The following NIBAN2 variants were observed in gnomAD, a reference collection of about 807,000 sequenced individuals.
NIBAN2 encodes the protein niban apoptosis regulator 2.
In NIBAN2, 36 loss-of-function variants were observed where a neutral mutation model predicts 81.8. The ratio of observed to expected loss-of-function variants is 0.44; its 90% CI spans 0.34 to 0.58. The LOEUF is 0.58. NIBAN2 is among the 20% of genes least tolerant of loss of function. NIBAN2 has a pLI of 0.02. For synonymous variants in NIBAN2, 445 were observed against 441.6 expected (o/e 1.01, Z -0.10); for missense variants, 897 against 1,014.1 (o/e 0.88, Z 1.57).
At chr9:127,541,156 A>G (rs1169901951) in intron 1 of NIBAN2, among the ~76,000 whole-genome samples, 6 of 152,166 alleles carry the variant, frequency 3.9e-5, no homozygotes, top group African/African-American at 1.4e-4. Context: ...TGTGCCTGAG[A>G]CAGCAGGGAG....
intron 1 of NIBAN2, among the ~76,000 whole-genome samples, chr9:127,535,401 G>A (rs1837256813): frequency 6.6e-6 from 1 of 152,236 alleles, no homozygotes; most frequent in South Asian, 2.1e-4. Context: ...ACTGAGCCAG[G>A]AGAAGGCCCA....
At position 127,508,592 on chromosome 9, in the gene NIBAN2, C is replaced by A. The variant is rs1027943811; in HGVS notation, c.1318-54G>T. ...CCCCCAGGGTGACCACAGCCCCTTC[C>A]TGGGTGCCGCTGAGGGGTCCTCATC... On this transcript the variant is annotated intron_variant, in intron 10 of 13. Coordinates refer to ENST00000373312, the MANE Select transcript of NIBAN2 (RefSeq NM_022833.4). The surrounding 1 kb of genome is among the most constrained non-coding windows in gnomAD (Gnocchi z 6.4). The A allele has an allele frequency of 1.4e-6, 2 of 1,445,918 alleles. No homozygotes were observed. Among genetic ancestry groups the A allele is most frequent in the African/African-American group, 1.4e-5 (1 of 71,814 alleles). The allele number at this position is 1,445,918 out of a possible 1,614,324, so 89.6% of individuals were successfully genotyped here.
At position 127,519,891 on chromosome 9, in the gene NIBAN2, G is replaced by A. The variant is rs117926402; in HGVS notation, c.590-1950C>T. The stretch of plus-strand genomic sequence containing the variant: ...AAACCAAGTTTTGACTGGAAAATCT[G>A]GACAGTGCGTTACCTGCAGGCACTC... On this transcript the variant is annotated intron_variant, in intron 5 of 13. Transcript: ENST00000373312. 2.1e-3 allele frequency among the ~76,000 whole-genome samples: 326 copies of A among 152,320 alleles called. 3 individuals are homozygous for A. The East Asian group carries it at 0.042, about 20-fold the overall frequency.
chr9:127,564,965 C>G (rs866794761), intron 1 of NIBAN2, among the ~76,000 whole-genome samples: 1 of 152,070 alleles, frequency 6.6e-6, no homozygotes, highest in African/African-American at 2.4e-5. Context: ...TAAGTGACTT[C>G]TTCTGGGAAG....
upstream of NIBAN2, chr9:127,569,160 C>G: frequency 1.2e-6 from 1 of 828,452 alleles, no homozygotes; most frequent in South Asian, 5.5e-5. Context: ...CCGCCCCCTC[C>G]CCGCCCGCTG....
At chr9:127,564,640 A>G (rs1725148773) in intron 1 of NIBAN2, among the ~76,000 whole-genome samples, 2 of 152,126 alleles carry the variant, frequency 1.3e-5, no homozygotes, top group Admixed American at 1.3e-4. Flanking sequence ...TGGGAGGTCG[A>G]GGTGGGTGGA....
intron 1 of NIBAN2, among the ~76,000 whole-genome samples, chr9:127,548,166 A>C (rs1479339338): frequency 6.6e-6 from 1 of 152,210 alleles, no homozygotes; most frequent in Non-Finnish European, 1.5e-5. Context: ...TCATGAGATT[A>C]AAAGGTGACA....
chr9:127,575,844 T>G (rs1838002836), intron 1 of NIBAN2, among the ~76,000 whole-genome samples: 1 of 152,130 alleles, frequency 6.6e-6, no homozygotes. Flanking sequence ...AAACATGGAT[T>G]TTTTTCCCGC....
chr9:127,512,778 G>A (rs947459302), intron 8 of NIBAN2, among the ~76,000 whole-genome samples: 32 of 152,172 alleles, frequency 2.1e-4, no homozygotes, highest in African/African-American at 7.2e-4. Context: ...CAGTGGGAAT[G>A]TAAATGAGTA....
intron 2 of NIBAN2, among the ~76,000 whole-genome samples, chr9:127,530,901 A>C (rs887465059): frequency 1.3e-5 from 2 of 152,168 alleles, no homozygotes; most frequent in Non-Finnish European, 2.9e-5. Flanking sequence ...GAAGGAGGCT[A>C]GGCATGGTGG....
Position 127,507,900 on chromosome 9 carries a change from C to G in NIBAN2, c.1621G>C (p.Val541Leu), listed in dbSNP as rs762901875. 1 of 1,614,198 alleles carries G rather than the reference C, an allele frequency of 6.2e-7. No homozygotes were observed. Among genetic ancestry groups the G allele is most frequent in the Non-Finnish European group, 8.5e-7 (1 of 1,180,040 alleles). ...ATGTCCTTCATGACGGTCTGCAGCA[C>G]CACCTCCTCGTACGTGTTTTCCACC... Reference protein sequence around the residue: ...ILVENTYEEVVLQTVMKDILQ... With the variant: ...ILVENTYEEVLLQTVMKDILQ... The change falls in exon 13 of 14, where the codon GTG (valine) becomes CTG (leucine). Residue 541 changes from valine to leucine, a missense_variant. By Grantham distance (32) the Val-to-Leu change is conservative. This residue lies in a region of NIBAN2 where 619 missense variants were observed against 691.0 expected (regional missense o/e 0.90). Coordinates refer to ENST00000373312, the MANE Select transcript of NIBAN2 (RefSeq NM_022833.4). The surrounding 1 kb of genome is among the most constrained non-coding windows in gnomAD (Gnocchi z 6.8).
chr9:127,515,523 A>C (rs1836811634), intron 8 of NIBAN2, among the ~76,000 whole-genome samples: 1 of 25,376 alleles, frequency 3.9e-5, no homozygotes, highest in Non-Finnish European at 1.1e-4. Context: ...TCCGTCTCAA[A>C]AAAAAAAAAA....
At chr9:127,578,869 CA>C in intron 1 of NIBAN2, 3 of 1,583,804 alleles carry the variant, frequency 1.9e-6, no homozygotes, top group East Asian at 2.3e-5. Context: ...AACAAACAAA[CA>C]AAAAAGAACC....
At position 127,516,208 on chromosome 9, in the gene NIBAN2, T is replaced by C. The variant is rs144238831; in HGVS notation, c.973+649A>G. ...GCTAAAACTGAGCTCTGCAGATGTG[T>C]TATGGGGACCAAGCTGGTGAAAGGA... On this transcript the variant is annotated intron_variant, in intron 8 of 13. Transcript: ENST00000373312. 2.5e-3 allele frequency among the ~76,000 whole-genome samples: 388 copies of C among 152,236 alleles called. 5 individuals carry two copies. Among genetic ancestry groups the C allele is most frequent in the Non-Finnish European group, 6.0e-4 (41 of 68,012 alleles).
chr9:127,515,045 C>G (rs1303692611), intron 8 of NIBAN2, among the ~76,000 whole-genome samples: 1 of 152,072 alleles, frequency 6.6e-6, no homozygotes, highest in South Asian at 2.1e-4. Flanking sequence ...TTTGCCCAGC[C>G]AAGACCCCTT....
At chr9:127,514,918 C>A (rs1214612817) in intron 8 of NIBAN2, among the ~76,000 whole-genome samples, 4 of 152,154 alleles carry the variant, frequency 2.6e-5, no homozygotes, top group Non-Finnish European at 5.9e-5. Context: ...AATCCCAGTG[C>A]TTTGGGAGGC....
rs148239209 is a variant in NIBAN2, at chr9:127,536,150, G to A, written c.56-4372C>T. On this transcript the variant is annotated intron_variant, in intron 1 of 13. Coordinates refer to ENST00000373312, the MANE Select transcript of NIBAN2 (RefSeq NM_022833.4). This position sits in a 1 kb window ranked among gnomAD's most constrained non-coding sequence, Gnocchi z 4.0. ...AGAGATGTCCTCAGCCAGCATGGAA[G>A]GAACCGCCACGTGCTTTGTACAGAG... Among the ~76,000 whole-genome samples, 1,274 of 152,310 alleles carry A rather than the reference G, an allele frequency of 8.4e-3. 18 individuals carry two copies. Among genetic ancestry groups the A allele is most frequent in the African/African-American group, 0.03 (1,233 of 41,550 alleles).
chr9:127,528,602 G>A (rs1837121190), intron 2 of NIBAN2, among the ~76,000 whole-genome samples: 1 of 152,054 alleles, frequency 6.6e-6, no homozygotes, highest in African/African-American at 2.4e-5. Context: ...CACTCCTGGA[G>A]AAGGAGAGCC....
intron 2 of NIBAN2, 136 bp downstream of exon 2, chr9:127,531,512 A>C (rs1837179725): frequency 1.4e-6 from 1 of 707,398 alleles, no homozygotes; most frequent in Non-Finnish European, 2.2e-6. Flanking sequence ...TAATTTTAAA[A>C]AAAGAAGCTG....
Sources: allele counts gnomAD v4.1 joint callset (sites outside exome capture counted in the v4.1 genomes callset), GRCh38; gene constraint gnomAD v4.1.1; regional missense constraint gnomAD v4.1.1; non-coding constraint Gnocchi (gnomAD v3.1); transcripts MANE v1.5; gene names NCBI Gene and HGNC (gene_info 2026-07-23, HGNC 2026-07-21).